BTBD9: variants seen among roughly 807,000 people sequenced by gnomAD.
BTBD9 encodes BTB/POZ domain-containing protein 9.
In BTBD9, 49 loss-of-function variants were observed where a neutral mutation model predicts 64.3. The observed-to-expected ratio is 0.76, with a 90% confidence interval of 0.61 to 0.97. The LOEUF is 0.97. BTBD9 is among the 50% of genes least tolerant of loss of function. The pLI, the probability that BTBD9 is intolerant of heterozygous loss-of-function variation, is 0.00. For missense variants in BTBD9, 598 were observed against 762.1 expected (o/e 0.78, Z 2.53); for synonymous variants, 260 against 274.7 (o/e 0.95, Z 0.53).
chr6:38,593,858 T>C, intron 3 of BTBD9, 106 bp downstream of exon 3: 2 of 1,046,588 alleles, frequency 1.9e-6, no homozygotes, highest in Non-Finnish European at 1.4e-6. Context: ...AACGCTTTGA[T>C]ACCAATGATT....
At chr6:38,494,006 G>C (rs1230009829) in intron 6 of BTBD9, among the ~76,000 whole-genome samples, 1 of 152,142 alleles carries the variant, frequency 6.6e-6, no homozygotes, top group Non-Finnish European at 1.5e-5. Flanking sequence ...CACAGCTAAA[G>C]GCTGAATGTT....
intron 6 of BTBD9, among the ~76,000 whole-genome samples, chr6:38,436,416 C>T (rs957286041): frequency 2.3e-5 from 3 of 127,684 alleles, no homozygotes; most frequent in Non-Finnish European, 4.7e-5. Context: ...ACTCTTGTTG[C>T]CCAGGCTGGA....
In BTBD9 at chr6:38,533,412, A is replaced by G. The variant is rs79600279; in HGVS notation, c.1154+44188T>C. 2.0e-3 allele frequency among the ~76,000 whole-genome samples: 299 copies of G among 152,348 alleles called. 6 individuals carry two copies. In the East Asian group the frequency reaches 0.037, roughly 19 times the overall value. On this transcript the variant is annotated intron_variant, in intron 6 of 10. Coordinates refer to ENST00000481247, the MANE Select transcript of BTBD9 (RefSeq NM_001099272.2). ...AACACTGGAGCACTCAGATATATAAAGCAAATATTAAAGCTAAAGAGAGAG... is the reference window on the plus strand; with the variant it reads ...AACACTGGAGCACTCAGATATATAAGGCAAATATTAAAGCTAAAGAGAGAG...
intron 6 of BTBD9, among the ~76,000 whole-genome samples, chr6:38,480,484 C>T (rs1420455710): frequency 6.6e-6 from 1 of 152,196 alleles, no homozygotes; most frequent in Non-Finnish European, 1.5e-5. Context: ...TGGTGGGTTA[C>T]ACAATCTGCT....
chr6:38,541,626 T>C lies in BTBD9; in HGVS notation c.1154+35974A>G, dbSNP rs575988654. On this transcript the variant is annotated intron_variant, in intron 6 of 10. Coordinates refer to ENST00000481247, the MANE Select transcript of BTBD9 (RefSeq NM_001099272.2). ...GGTGGCACGTGCCTGTAGTCCCAGG[T>C]AGTCGGGAGGCTGAGGCAGGAGAAT... Among the ~76,000 whole-genome samples the C allele has an allele frequency of 2.0e-5, 3 of 152,182 alleles. No individual in the cohort carries two copies. In the East Asian group the frequency reaches 5.8e-4, roughly 29 times the overall value.
rs1027573294 is a variant in BTBD9 at position 38,172,750 on chromosome 6, T to A, written c.*2235A>T. ...TGCTAGAAGACAGGAGGGACAGAGA[T>A]CTGGAAGGGCATGCCCCGAAGGAAA... is the stretch of plus-strand genomic sequence containing the variant. On this transcript the variant is annotated 3_prime_UTR_variant, in exon 11 of 11. Coordinates refer to ENST00000481247, the MANE Select transcript of BTBD9 (RefSeq NM_001099272.2). 6.6e-6 allele frequency: 1 copy of A among 152,438 alleles called. No individual in the cohort carries two copies. Among genetic ancestry groups the A allele is most frequent in the Non-Finnish European group, 1.5e-5 (1 of 68,208 alleles). The allele number at this position is 152,438 out of a possible 1,614,324, so 9.4% of individuals were successfully genotyped here. A position where few individuals can be genotyped will look rare whatever the true frequency, so the allele number is the denominator to read the frequency against.
chr6:38,420,296 T>C (rs756440525), intron 6 of BTBD9, among the ~76,000 whole-genome samples: 12 of 152,174 alleles, frequency 7.9e-5, no homozygotes, highest in Non-Finnish European at 1.3e-4. Flanking sequence ...TAAGGACCAG[T>C]AGAAAACAAC....
At chr6:38,288,004 G>C (rs1299177123) in intron 8 of BTBD9, among the ~76,000 whole-genome samples, 1 of 152,124 alleles carries the variant, frequency 6.6e-6, no homozygotes, top group Non-Finnish European at 1.5e-5. Context: ...ATTGAGACTT[G>C]AAAAGGACAT....
intron 6 of BTBD9, among the ~76,000 whole-genome samples, chr6:38,478,836 T>G (rs1771006830): frequency 6.6e-6 from 1 of 152,208 alleles, no homozygotes; most frequent in African/African-American, 2.4e-5. Context: ...CCAAGTCGCC[T>G]TGGTATGTCT....
intron 1 of BTBD9, among the ~76,000 whole-genome samples, chr6:38,611,230 C>A (rs1427674829): frequency 6.6e-6 from 1 of 152,070 alleles, no homozygotes; most frequent in African/African-American, 2.4e-5. Context: ...ACACATCATA[C>A]TGTTTACAGC....
At chr6:38,518,267 T>C (rs184865310) in intron 6 of BTBD9, among the ~76,000 whole-genome samples, 26 of 152,288 alleles carry the variant, frequency 1.7e-4, no homozygotes, top group Non-Finnish European at 3.1e-4. Flanking sequence ...TTCTTACTAA[T>C]TGTATCAGTC....
chr6:38,629,878 G>T (rs535067704), intron 1 of BTBD9, among the ~76,000 whole-genome samples: 73 of 151,806 alleles, frequency 4.8e-4, no homozygotes, highest in African/African-American at 1.7e-3. Flanking sequence ...TATAATGTCA[G>T]TGTTATAAAG....
At chr6:38,180,443 G>T (rs1761500867) in intron 10 of BTBD9, among the ~76,000 whole-genome samples, 1 of 152,170 alleles carries the variant, frequency 6.6e-6, no homozygotes, top group Admixed American at 6.5e-5. Flanking sequence ...GGGGAAATCT[G>T]GAAATATTGG....
chr6:38,264,926 T>C (rs752577386), intron 8 of BTBD9, among the ~76,000 whole-genome samples: 2 of 152,022 alleles, frequency 1.3e-5, no homozygotes, highest in Admixed American at 6.5e-5. Context: ...GGAACACCAG[T>C]CTCCTAATAG....
intron 9 of BTBD9, among the ~76,000 whole-genome samples, chr6:38,198,185 A>G (rs1483088465): frequency 6.6e-6 from 1 of 152,094 alleles, no homozygotes; most frequent in African/African-American, 2.4e-5. Flanking sequence ...GAAAGGGATT[A>G]AAACAATGTC....
At chr6:38,232,432 G>A (rs552877081) in intron 9 of BTBD9, among the ~76,000 whole-genome samples, 5 of 151,922 alleles carry the variant, frequency 3.3e-5, no homozygotes, top group South Asian at 4.2e-4. Flanking sequence ...CACCACGCCC[G>A]GCTAATTTTT....
rs62397046 is a variant in BTBD9, at chr6:38,425,646, T to C, written c.1155-80553A>G. On this transcript the variant is annotated intron_variant, in intron 6 of 10. Coordinates refer to ENST00000481247, the MANE Select transcript of BTBD9 (RefSeq NM_001099272.2). ...CCAGGCTGGACATGATAGCTTATGC[T>C]TGTAATCCCAGCACTTTGGGAGGCT... Among the ~76,000 whole-genome samples the C allele has an allele frequency of 6.7e-3, 1,016 of 151,510 alleles. 4 individuals carry two copies. Among genetic ancestry groups the C allele is most frequent in the Non-Finnish European group, 0.012 (798 of 67,938 alleles).
intron 6 of BTBD9, among the ~76,000 whole-genome samples, chr6:38,403,521 A>G (rs2127241611): frequency 6.6e-6 from 1 of 152,320 alleles, no homozygotes; most frequent in East Asian, 1.9e-4. Context: ...GCAAATGAAA[A>G]CCACAACTGA....
At chr6:38,522,178 T>G (rs974227123) in intron 6 of BTBD9, among the ~76,000 whole-genome samples, 1 of 152,172 alleles carries the variant, frequency 6.6e-6, no homozygotes, top group Non-Finnish European at 1.5e-5. Context: ...TCCCTAATCT[T>G]TCAAATGCTT....
Sources: gnomAD v4.1 joint callset for allele counts (sites outside exome capture counted in the v4.1 genomes callset) on GRCh38, gnomAD v4.1.1 for gene constraint, MANE v1.5 for transcripts, NCBI Gene and HGNC (gene_info 2026-07-23, HGNC 2026-07-21) for gene names.